The following RBMS3 variants were observed in gnomAD, a reference collection of about 807,000 sequenced individuals.
The protein encoded by RBMS3 is RNA-binding motif, single-stranded-interacting protein 3.
Under a neutral mutation model 66.8 loss-of-function variants are expected in RBMS3, and 27 were observed. The observed-to-expected ratio is 0.40, with a 90% CI of 0.30 to 0.56. The LOEUF (loss-of-function observed/expected upper bound fraction) is 0.56, where lower values mean the gene tolerates loss of function less well. Ranked by LOEUF, RBMS3 falls within the 20% of genes least tolerant of loss-of-function variation. The probability of loss-of-function intolerance (pLI) is 0.40; values close to 1 mark genes in which losing one functional copy is unlikely to be tolerated. For synonymous variants in RBMS3, 188 were observed against 183.0 expected, an observed-to-expected ratio of 1.03 and a Z score of -0.22; for missense variants, 513 against 549.5, an observed-to-expected ratio of 0.93 and a Z score of 0.66.
intron 1 of RBMS3, among the ~76,000 whole-genome samples, chr3:29,341,444 C>G (rs2036277367): frequency 6.6e-6 from 1 of 151,982 alleles, no homozygotes; most frequent in Non-Finnish European, 1.5e-5. Flanking sequence ...TACCACTCTG[C>G]CATCTCAAGC....
In RBMS3 at chr3:29,464,323, G is replaced by A. The variant is rs550820129; in HGVS notation, c.249-24118G>A. 1.0e-3 allele frequency among the ~76,000 whole-genome samples: 157 copies of A among 152,260 alleles called. 3 individuals carry two copies. The highest frequency in any genetic ancestry group is 3.7e-3 in the Admixed American group (56 of 15,292). On this transcript the variant is annotated intron_variant, in intron 2 of 14. Coordinates refer to ENST00000383767, the MANE Select transcript of RBMS3 (RefSeq NM_001003793.3). ...AACCACCTTCTAAGGAAGCTGAATA[G>A]CCGACTGCAGGGTGTTTAGTTTGGT...
chr3:29,446,143 G>T (rs1407383569), intron 2 of RBMS3, among the ~76,000 whole-genome samples: 1 of 152,074 alleles, frequency 6.6e-6, no homozygotes, highest in Non-Finnish European at 1.5e-5. Context: ...CACAAGAGTA[G>T]CACAGAATTT....
intron 4 of RBMS3, among the ~76,000 whole-genome samples, chr3:29,603,290 A>C (rs1463475777): frequency 6.6e-6 from 1 of 152,024 alleles, no homozygotes; most frequent in East Asian, 1.9e-4. Context: ...ACTGGATGTC[A>C]ATATCCTATC....
At chr3:29,701,654 CG>C (rs1204465372) in intron 4 of RBMS3, among the ~76,000 whole-genome samples, 3 of 152,150 alleles carry the variant, frequency 2.0e-5, no homozygotes, top group African/African-American at 4.8e-5. Context: ...GTGGGCTGGG[CG>C]GGCCCGCACT....
At chr3:29,657,366 G>T (rs2050362120) in intron 4 of RBMS3, among the ~76,000 whole-genome samples, 1 of 152,078 alleles carries the variant, frequency 6.6e-6, no homozygotes, top group East Asian at 1.9e-4. Flanking sequence ...TATTTTGACG[G>T]GTGCTTTTTA....
At chr3:29,776,189 CTA>C (rs2056420767) in intron 6 of RBMS3, among the ~76,000 whole-genome samples, 1 of 151,962 alleles carries the variant, frequency 6.6e-6, no homozygotes, top group Non-Finnish European at 1.5e-5. Context: ...GATATGCTTT[CTA>C]TGAGATCCTC....
Position 29,761,126 on chromosome 3 carries a change from G to A in RBMS3, c.558-1784G>A, listed in dbSNP as rs547405048. Among the ~76,000 whole-genome samples the A allele has an allele frequency of 3.9e-5, 6 of 152,216 alleles. No individual in the cohort carries two copies. In the South Asian group the frequency reaches 1.2e-3, roughly 32 times the overall value. On this transcript the variant is annotated intron_variant, in intron 5 of 14. Transcript: ENST00000383767. ...TAAGAAGTTCAAGGTGGCAACAGCA[G>A]AACTTTAAACCAAGTGCAGGGTTGT...
chr3:29,333,925 G>A (rs2125520434), intron 1 of RBMS3, among the ~76,000 whole-genome samples: 1 of 152,292 alleles, frequency 6.6e-6, no homozygotes, highest in Admixed American at 6.5e-5. Context: ...TAGTAAGACA[G>A]AATGGTTAAG....
intron 1 of RBMS3, among the ~76,000 whole-genome samples, chr3:29,387,038 C>T (rs960529127): frequency 6.6e-6 from 1 of 152,202 alleles, no homozygotes; most frequent in Non-Finnish European, 1.5e-5. Context: ...TTCTCAATCT[C>T]GCCAGCTTGA....
intron 3 of RBMS3, among the ~76,000 whole-genome samples, chr3:29,571,104 C>T (rs995967989): frequency 6.6e-6 from 1 of 151,988 alleles, no homozygotes; most frequent in Non-Finnish European, 1.5e-5. Flanking sequence ...TTCCATATGC[C>T]TGTTTGCCAT....
intron 7 of RBMS3, among the ~76,000 whole-genome samples, chr3:29,871,793 T>G (rs1170032767): frequency 2.0e-5 from 3 of 152,240 alleles, no homozygotes; most frequent in Admixed American, 2.0e-4. Context: ...AGAAGTACCA[T>G]GCGCATGCCA....
chr3:29,966,652 C>A (rs935163460), intron 12 of RBMS3, among the ~76,000 whole-genome samples: 3 of 152,264 alleles, frequency 2.0e-5, no homozygotes, highest in Non-Finnish European at 4.4e-5. Context: ...GACAGTTTGA[C>A]TTCTTCTTTA....
intron 3 of RBMS3, among the ~76,000 whole-genome samples, chr3:29,531,900 C>T (rs908751167): frequency 2.0e-5 from 3 of 152,062 alleles, no homozygotes; most frequent in Non-Finnish European, 1.5e-5. Context: ...TAGCAATTCC[C>T]TAGTATTTTC....
intron 10 of RBMS3, among the ~76,000 whole-genome samples, chr3:29,928,583 A>T (rs2061016736): frequency 6.6e-6 from 1 of 152,074 alleles, no homozygotes. Flanking sequence ...TATGCCACTA[A>T]TTTTTTCACA....
intron 6 of RBMS3, among the ~76,000 whole-genome samples, chr3:29,800,642 A>G (rs2371827): frequency 1 from 152,281 of 152,290 alleles, 76,136 homozygotes; most frequent in Middle Eastern, 1. Flanking sequence ...TAGCAATGCA[A>G]TTTTAAAACT....
chr3:29,309,616 G>T (rs945110608), intron 1 of RBMS3, among the ~76,000 whole-genome samples: 4 of 151,622 alleles, frequency 2.6e-5, no homozygotes, highest in Non-Finnish European at 4.4e-5. Context: ...TGGTGGGGGG[G>T]GCGGTGGTGG....
intron 4 of RBMS3, among the ~76,000 whole-genome samples, chr3:29,670,286 G>T (rs1431260496): frequency 6.6e-6 from 1 of 152,126 alleles, no homozygotes; most frequent in Non-Finnish European, 1.5e-5. Flanking sequence ...TAGGCTTCCA[G>T]TTCCAAGAAG....
At chr3:29,962,219 A>C (rs1171114608) in intron 12 of RBMS3, among the ~76,000 whole-genome samples, 1 of 151,196 alleles carries the variant, frequency 6.6e-6, no homozygotes, top group African/African-American at 2.4e-5. Flanking sequence ...ATAAATCCCT[A>C]TTTGAGTTTA....
Position 29,382,973 on chromosome 3 carries a change from A to T in RBMS3, c.76-51770A>T, listed in dbSNP as rs139655474. Among the ~76,000 whole-genome samples the T allele has an allele frequency of 7.2e-5, 11 of 152,318 alleles. No homozygotes were observed. In the East Asian group the frequency reaches 2.1e-3, roughly 29 times the overall value. The stretch of plus-strand genomic sequence containing the variant: ...ATGACGCCTCTGATCAGGAAATCAA[A>T]CAAGCAAATGAGAAAACCTGTTCAC... On this transcript the variant is annotated intron_variant, in intron 1 of 14. Coordinates refer to ENST00000383767, the MANE Select transcript of RBMS3 (RefSeq NM_001003793.3).
Sources: allele counts gnomAD v4.1 joint callset (sites outside exome capture counted in the v4.1 genomes callset), GRCh38; gene constraint gnomAD v4.1.1; transcripts MANE v1.5; gene names NCBI Gene and HGNC (gene_info 2026-07-23, HGNC 2026-07-21).